CARMIL1: variants seen among roughly 807,000 people sequenced by gnomAD.
CARMIL1 encodes the protein F-actin-uncapping protein LRRC16A.
In CARMIL1, 90 loss-of-function variants were observed where a neutral mutation model predicts 177.1. The observed-to-expected ratio is 0.51, with a 90% CI of 0.43 to 0.61. The LOEUF is 0.61. CARMIL1 is among the 20% of genes least tolerant of loss of function. The pLI is 0.00. For synonymous variants in CARMIL1, 577 were observed against 606.2 expected, an observed-to-expected ratio of 0.95 and a Z score of 0.71; for missense variants, 1,380 against 1,667.0, an observed-to-expected ratio of 0.83 and a Z score of 3.00.
intron 2 of CARMIL1, among the ~76,000 whole-genome samples, chr6:25,405,089 T>C (rs1326602946): frequency 6.6e-6 from 1 of 152,262 alleles, no homozygotes; most frequent in African/African-American, 2.4e-5. Context: ...GCCTGAACTT[T>C]CAGTTTATCT....
Position 25,388,654 on chromosome 6 carries a change from G to A in CARMIL1, c.139-31460G>A, listed in dbSNP as rs181745991. On this transcript the variant is annotated intron_variant, in intron 2 of 36. Transcript: ENST00000329474. ...GCTGGGATTACAGGCATAAGCCACC[G>A]CACCTGGCCTTTTTTTATTTTATTT... is the stretch of plus-strand genomic sequence containing the variant. 7.9e-5 allele frequency among the ~76,000 whole-genome samples: 12 copies of A among 152,012 alleles called. No homozygotes were observed. The East Asian group carries it at 2.3e-3, about 29-fold the overall frequency.
chr6:25,346,984 T>C (rs1352500275), intron 2 of CARMIL1, among the ~76,000 whole-genome samples: 2 of 152,236 alleles, frequency 1.3e-5, no homozygotes, highest in Non-Finnish European at 2.9e-5. Context: ...TGTCAGCTTA[T>C]TTATTTAAAT....
chr6:25,309,224 G>C (rs1243429090), intron 2 of CARMIL1, among the ~76,000 whole-genome samples: 5 of 151,886 alleles, frequency 3.3e-5, no homozygotes, highest in Admixed American at 2.6e-4. Flanking sequence ...ATGTAATTCA[G>C]GCTGGGTGTG....
At chr6:25,490,777 G>A (rs141731684) in intron 13 of CARMIL1, among the ~76,000 whole-genome samples, 40 of 152,196 alleles carry the variant, frequency 2.6e-4, no homozygotes, top group African/African-American at 8.9e-4. Context: ...CATTCTGTGT[G>A]TATGGTTATT....
At chr6:25,280,306 C>A (rs1336391567) in intron 1 of CARMIL1, among the ~76,000 whole-genome samples, 1 of 152,154 alleles carries the variant, frequency 6.6e-6, no homozygotes, top group African/African-American at 2.4e-5. Flanking sequence ...AGGCGCTTTC[C>A]TGAAAATGCC....
rs1562152277 is a variant in CARMIL1 at position 25,449,900 on chromosome 6, G to A, written c.374G>A (p.Arg125Lys). ...TGTTGTTGTTGTTGATCTTACAGGA[G>A]AATCATGAAAAAAGTCTCCATGGAG... ...RKIFPGLSPV[R>K]IMKKVSMEPS... Residue 125 changes from arginine (R) to lysine (K), a missense_variant and splice_region_variant, in exon 6 of 37, where the codon AGA (arginine) becomes AAA (lysine). Coordinates refer to ENST00000329474, the MANE Select transcript of CARMIL1 (RefSeq NM_017640.6). 8.8e-6 allele frequency: 14 copies of A among 1,596,358 alleles called. No individual in the cohort carries two copies. Among genetic ancestry groups the A allele is most frequent in the Non-Finnish European group, 1.2e-5 (14 of 1,168,012 alleles).
intron 23 of CARMIL1, chr6:25,527,601 G>A: frequency 2.6e-6 from 1 of 381,776 alleles, no homozygotes; most frequent in South Asian, 1.9e-5. Context: ...GGAAAGAGAT[G>A]ACTTCTTGGG....
intron 31 of CARMIL1, among the ~76,000 whole-genome samples, chr6:25,592,773 C>G (rs910951733): frequency 5.3e-5 from 8 of 152,208 alleles, no homozygotes; most frequent in Non-Finnish European, 1.0e-4. Flanking sequence ...CAGGAAACAG[C>G]TTTCCCACCG....
intron 2 of CARMIL1, among the ~76,000 whole-genome samples, chr6:25,323,758 T>C (rs569945613): frequency 1.3e-5 from 2 of 152,250 alleles, no homozygotes; most frequent in Non-Finnish European, 2.9e-5. Flanking sequence ...CCTTTGGAAG[T>C]TGGGACTGTT....
chr6:25,436,773 T>C (rs184313319), intron 5 of CARMIL1, among the ~76,000 whole-genome samples: 11 of 152,292 alleles, frequency 7.2e-5, no homozygotes, highest in Admixed American at 4.6e-4. Context: ...AGCTTAAGTC[T>C]TGTGGTTCTC....
chr6:25,615,990 A>G (rs1582538894), intron 36 of CARMIL1, among the ~76,000 whole-genome samples: 2 of 152,212 alleles, frequency 1.3e-5, no homozygotes, highest in South Asian at 2.1e-4. Flanking sequence ...AATTATTGCC[A>G]CTATAGACAG....
chr6:25,415,889 CA>C (rs1795310797), intron 2 of CARMIL1, among the ~76,000 whole-genome samples: 1 of 150,114 alleles, frequency 6.7e-6, no homozygotes, highest in African/African-American at 2.5e-5. Flanking sequence ...AGAATGAAGG[CA>C]GGGGAGGAGC....
At chr6:25,581,482 T>G in intron 31 of CARMIL1, 43 bp downstream of exon 31, 1 of 1,529,094 alleles carries the variant, frequency 6.5e-7, no homozygotes, top group Non-Finnish European at 8.8e-7. Flanking sequence ...CCACACCCTT[T>G]TCTTCTCTGG....
At chr6:25,382,988 AG>A (rs1791726969) in intron 2 of CARMIL1, among the ~76,000 whole-genome samples, 1 of 152,074 alleles carries the variant, frequency 6.6e-6, no homozygotes, top group South Asian at 2.1e-4. Context: ...GGGGTGAGGG[AG>A]GGCAGTCTGT....
intron 31 of CARMIL1, among the ~76,000 whole-genome samples, chr6:25,592,802 A>C (rs1276470697): frequency 1.3e-5 from 2 of 152,240 alleles, no homozygotes; most frequent in Admixed American, 6.5e-5. Context: ...CAAGACATCT[A>C]GACCAGGTAT....
In CARMIL1 at chr6:25,426,756, T is replaced by C. The variant is rs186921909; in HGVS notation, c.249+196T>C. ...GGAAAACACATTCTCCATAACTCAG[T>C]TTGTGAAGAACAAATTAGCTCTTAT... On this transcript the variant is annotated intron_variant, in intron 4 of 36. Transcript: ENST00000329474. Among the ~76,000 whole-genome samples, 132 of 152,270 alleles carry C rather than the reference T, an allele frequency of 8.7e-4. 1 individual carries two copies. The highest frequency in any genetic ancestry group is 2.9e-3 in the African/African-American group (120 of 41,550).
chr6:25,419,249 A>G (rs1795627273), intron 2 of CARMIL1, among the ~76,000 whole-genome samples: 2 of 152,234 alleles, frequency 1.3e-5, no homozygotes, highest in Admixed American at 6.5e-5. Flanking sequence ...CTTGCTAAAT[A>G]CAGGCTTAGT....
chr6:25,285,840 C>T (rs1433255867), intron 2 of CARMIL1, among the ~76,000 whole-genome samples: 3 of 151,720 alleles, frequency 2.0e-5, no homozygotes, highest in Non-Finnish European at 2.9e-5. Context: ...AAACAAATCC[C>T]AGGTATGTTA....
chr6:25,281,237 G>C (rs1022455200), intron 1 of CARMIL1, among the ~76,000 whole-genome samples: 4 of 151,174 alleles, frequency 2.6e-5, no homozygotes, highest in Non-Finnish European at 4.4e-5. Flanking sequence ...TGCATCTTTT[G>C]CTGGAGTGAG....
Sources: gnomAD v4.1 joint callset for allele counts (sites outside exome capture counted in the v4.1 genomes callset) on GRCh38, gnomAD v4.1.1 for gene constraint, MANE v1.5 for transcripts, NCBI Gene and HGNC (gene_info 2026-07-23, HGNC 2026-07-21) for gene names.